Variants in NEMP2 observed in about 807,000 individuals in gnomAD.
The protein encoded by NEMP2 is nuclear envelope integral membrane protein 2.
NEMP2 carries 53 observed loss-of-function variants against 54.2 expected under a neutral mutation model. That is an observed-to-expected ratio of 0.98 (90% CI 0.78 to 1.23). The LOEUF (loss-of-function observed/expected upper bound fraction) is 1.23. Ranked by LOEUF, NEMP2 falls within the 50% of genes most tolerant of loss-of-function variation. NEMP2 has a pLI of 0.00. For synonymous variants in NEMP2, 197 were observed against 190.3 expected, an observed-to-expected ratio of 1.04 and a Z score of -0.29; for missense variants, 455 against 511.3, an observed-to-expected ratio of 0.89 and a Z score of 1.06.
the NEMP2 span, among the ~76,000 whole-genome samples, chr2:190,450,373 C>T: frequency 6.6e-6 from 1 of 152,022 alleles, no homozygotes; most frequent in Admixed American, 6.6e-5. Flanking sequence ...GTAACAATTC[C>T]ATTCTTATTT....
chr2:190,564,140 G>A, the NEMP2 span, among the ~76,000 whole-genome samples: 1 of 152,206 alleles, frequency 6.6e-6, no homozygotes, highest in African/African-American at 2.4e-5. The surrounding 1 kb of genome is among the most constrained non-coding windows in gnomAD (Gnocchi z 4.2). Flanking sequence ...GGTGTGAACA[G>A]AATCTATTCT....
At chr2:190,475,821 C>A in the NEMP2 span, among the ~76,000 whole-genome samples, 2 of 151,526 alleles carry the variant, frequency 1.3e-5, no homozygotes, top group African/African-American at 2.4e-5. Context: ...ATACTACAAG[C>A]CTACAGTAAC....
chr2:190,552,273 C>T, the NEMP2 span, among the ~76,000 whole-genome samples: 1 of 152,082 alleles, frequency 6.6e-6, no homozygotes, highest in Non-Finnish European at 1.5e-5. Flanking sequence ...TTTGGTGGTT[C>T]GTCTTCATTC....
the NEMP2 span, among the ~76,000 whole-genome samples, chr2:190,552,210 C>A: frequency 3.3e-5 from 5 of 152,106 alleles, no homozygotes; most frequent in Non-Finnish European, 5.9e-5. Context: ...TTCATTGCTT[C>A]CCCCCTTGCT....
the NEMP2 span, among the ~76,000 whole-genome samples, chr2:190,559,577 G>A: frequency 6.6e-6 from 1 of 152,210 alleles, no homozygotes; most frequent in Non-Finnish European, 1.5e-5. This position sits in a 1 kb window ranked among gnomAD's most constrained non-coding sequence, Gnocchi z 4.0. Context: ...AGAGTAGAGT[G>A]TCACATAAGC....
chr2:190,537,892 G>GA (rs749262184), upstream of NEMP2, among the ~76,000 whole-genome samples: 3 of 152,154 alleles, frequency 2.0e-5, no homozygotes, highest in Non-Finnish European at 2.9e-5. Flanking sequence ...GCCTAGGAGG[G>GA]AAAAATAGTA....
At chr2:190,434,505 A>G in the NEMP2 span, among the ~76,000 whole-genome samples, 2 of 152,110 alleles carry the variant, frequency 1.3e-5, no homozygotes, top group East Asian at 3.9e-4. This position sits in a 1 kb window ranked among gnomAD's most constrained non-coding sequence, Gnocchi z 4.3. Flanking sequence ...GCGCAATCTC[A>G]GCTCACTGCA....
At chr2:190,446,447 C>G in the NEMP2 span, among the ~76,000 whole-genome samples, 6 of 152,178 alleles carry the variant, frequency 3.9e-5, no homozygotes, top group Admixed American at 3.3e-4. Context: ...CTACAGCTCC[C>G]TAGCTTTTTG....
the NEMP2 span, among the ~76,000 whole-genome samples, chr2:190,464,464 C>A: frequency 4.6e-5 from 7 of 152,274 alleles, no homozygotes; most frequent in Non-Finnish European, 8.8e-5. Context: ...GAATAATATC[C>A]AGACTGTATC....
chr2:190,450,488 C>CTTTTTTT, the NEMP2 span, among the ~76,000 whole-genome samples: 141 of 97,258 alleles, frequency 1.4e-3, 1 homozygote, highest in Non-Finnish European at 2.0e-3. Context: ...TCTCTTTTTC[C>CTTTTTTT]TTTTTTTTTT....
At chr2:190,436,681 C>G in the NEMP2 span, 2 of 1,614,188 alleles carry the variant, frequency 1.2e-6, no homozygotes, top group Non-Finnish European at 1.7e-6. The surrounding 1 kb of genome is among the most constrained non-coding windows in gnomAD (Gnocchi z 5.3). Flanking sequence ...GCCAACAGCT[C>G]CAAACATGAA....
At chr2:190,483,889 A>C in the NEMP2 span, among the ~76,000 whole-genome samples, 13 of 151,444 alleles carry the variant, frequency 8.6e-5, no homozygotes, top group African/African-American at 2.7e-4. Context: ...ACTCATAATT[A>C]TTTTTAATGA....
chr2:190,463,593 G>A, the NEMP2 span, among the ~76,000 whole-genome samples: 1 of 152,206 alleles, frequency 6.6e-6, no homozygotes, highest in Admixed American at 6.5e-5. This position sits in a 1 kb window ranked among gnomAD's most constrained non-coding sequence, Gnocchi z 4.4. Context: ...GGCTGAGATA[G>A]GAGGATTGCT....
At chr2:190,443,070 AC>A in the NEMP2 span, 1 of 152,132 alleles carries the variant, frequency 6.6e-6, no homozygotes, top group Admixed American at 6.5e-5. This position sits in a 1 kb window ranked among gnomAD's most constrained non-coding sequence, Gnocchi z 4.2. Flanking sequence ...TATTACCGTA[AC>A]CTGTTTCTAT....
At chr2:190,572,860 T>TC in the NEMP2 span, among the ~76,000 whole-genome samples, 3 of 130,458 alleles carry the variant, frequency 2.3e-5, no homozygotes, top group African/African-American at 8.7e-5. Context: ...TATATATATA[T>TC]ATATATATAT....
intron 4 of NEMP2, 54 bp from the exon 5 acceptor site, chr2:190,517,667 T>A: frequency 7.8e-7 from 1 of 1,280,846 alleles, no homozygotes; most frequent in Non-Finnish European, 1.1e-6. Context: ...ACTTTGAGTA[T>A]GAAAAACATG....
chr2:190,484,835 A>G, the NEMP2 span, among the ~76,000 whole-genome samples: 6 of 152,338 alleles, frequency 3.9e-5, no homozygotes, highest in East Asian at 5.8e-4. Flanking sequence ...AGGGAAATCA[A>G]TTTTAATCCT....
At chr2:190,640,787 ATTTTTTTTTTTTTTTTTTTT>A in the NEMP2 span, among the ~76,000 whole-genome samples, 5 of 118,028 alleles carry the variant, frequency 4.2e-5, no homozygotes, top group African/African-American at 1.0e-4. Flanking sequence ...AACACATTCA[ATTTTTTTTTTTTTTTTTTTT>A]TTTTTTTTTT....
the NEMP2 span, among the ~76,000 whole-genome samples, chr2:190,446,639 A>G: frequency 6.6e-6 from 1 of 152,176 alleles, no homozygotes; most frequent in African/African-American, 2.4e-5. Flanking sequence ...TAAAGAAGCT[A>G]ATGAAACATG....
Sources: allele counts gnomAD v4.1 joint callset (sites outside exome capture counted in the v4.1 genomes callset), GRCh38; gene constraint gnomAD v4.1.1; non-coding constraint Gnocchi (gnomAD v3.1); transcripts MANE v1.5; gene names NCBI Gene and HGNC (gene_info 2026-07-23, HGNC 2026-07-21).